Variants in CENPO observed in about 807,000 individuals in gnomAD.
CENPO encodes centromeric protein O.
A neutral mutation model predicts 36.1 loss-of-function variants in CENPO; 30 were observed. The ratio of observed to expected loss-of-function variants is 0.83; its 90% CI spans 0.62 to 1.13. CENPO has a LOEUF of 1.13. Ranked by LOEUF, CENPO falls within the 50% of genes most tolerant of loss-of-function variation. The pLI is 0.00. For missense variants in CENPO, 349 were observed against 357.8 expected (o/e 0.98, Z 0.20); for synonymous variants, 171 against 142.3 (o/e 1.20, Z -1.44).
Position 24,820,541 on chromosome 2 carries a change from G to T in CENPO, c.*1223G>T. 2 of 1,404,128 alleles carry T rather than the reference G, an allele frequency of 1.4e-6. No individual in the cohort carries two copies. The highest frequency in any genetic ancestry group is 1.9e-6 in the Non-Finnish European group (2 of 1,070,990). 87.0% of individuals were successfully genotyped at this position (1,404,128 alleles called of 1,614,324 possible). ...TCAGCCCAGATTTTGTGGATGGGTG[G>T]AAGTGTTTCTTCCTGTGCTGAGGCT... On this transcript the variant is annotated 3_prime_UTR_variant, in exon 8 of 8. Transcript: ENST00000380834.
Position 24,819,607 on chromosome 2 carries a change from G to T in CENPO, c.*289G>T, listed in dbSNP as rs906549819. 1 of 220,408 alleles carries T rather than the reference G, an allele frequency of 4.5e-6. No individual in the cohort carries two copies. 13.7% of individuals were successfully genotyped at this position (220,408 alleles called of 1,614,324 possible). A position where few individuals can be genotyped will look rare whatever the true frequency, so the allele number is the denominator to read the frequency against. ...CAGTCCCGGAAAGCCCAGCGGCAAAGGCAGCTTTGTCCCAGCTCTGCCACC... is the reference window on the plus strand; with the variant it reads ...CAGTCCCGGAAAGCCCAGCGGCAAATGCAGCTTTGTCCCAGCTCTGCCACC... On this transcript the variant is annotated 3_prime_UTR_variant, in exon 8 of 8. Transcript: ENST00000380834.
intron 6 of CENPO, among the ~76,000 whole-genome samples, 193 bp from the exon 7 acceptor site, chr2:24,817,477 G>GC (rs1667000437): frequency 2.1e-5 from 2 of 93,186 alleles, no homozygotes; most frequent in African/African-American, 1.1e-4. Flanking sequence ...AAAAAAAAAA[G>GC]CTGTATGGGT....
intron 3 of CENPO, among the ~76,000 whole-genome samples, chr2:24,803,059 G>T (rs1325543991): frequency 1.3e-5 from 2 of 152,188 alleles, no homozygotes; most frequent in East Asian, 3.8e-4. Flanking sequence ...AGTCTTGGGA[G>T]AATGTATGTG....
intron 2 of CENPO, among the ~76,000 whole-genome samples, chr2:24,796,525 T>C (rs1211691310): frequency 6.6e-6 from 1 of 150,806 alleles, no homozygotes. Context: ...CAATTAAAAC[T>C]ATAGTGGCCG....
chr2:24,819,392 T>G lies in CENPO; in HGVS notation c.*74T>G, dbSNP rs1169673150. 6.5e-6 allele frequency: 1 copy of G among 152,720 alleles called. No homozygotes were observed. Among genetic ancestry groups the G allele is most frequent in the Non-Finnish European group, 1.5e-5 (1 of 68,104 alleles). The allele number at this position is 152,720 out of a possible 1,614,324, so 9.5% of individuals were successfully genotyped here. A position where few individuals can be genotyped will look rare whatever the true frequency, so the allele number is the denominator to read the frequency against. ...CTCCCCTGCCAGGTGAAAGGAAATATTGCACTTTCTGTTCTCATGACTAAG... is the reference window on the plus strand; with the variant it reads ...CTCCCCTGCCAGGTGAAAGGAAATAGTGCACTTTCTGTTCTCATGACTAAG... On this transcript the variant is annotated 3_prime_UTR_variant, in exon 8 of 8. Transcript: ENST00000380834.
At chr2:24,816,929 T>C (rs547682121) in intron 6 of CENPO, 112 bp downstream of exon 6, 63 of 1,000,008 alleles carry the variant, frequency 6.3e-5, no homozygotes, top group Non-Finnish European at 7.4e-5. Context: ...TCTCTGTTTA[T>C]ATACTGTACA....
chr2:24,822,263 C>G lies in CENPO; in HGVS notation c.*2945C>G, dbSNP rs754473225. On this transcript the variant is annotated 3_prime_UTR_variant, in exon 8 of 8. Coordinates refer to ENST00000380834, the MANE Select transcript of CENPO (RefSeq NM_001322101.2). ...ATGAAAGCACAGAGCCTTAGGGGGC[C>G]TGGCCACAGAACACAACCATCTTAG... 2.4e-6 allele frequency: 1 copy of G among 411,588 alleles called. No individual in the cohort carries two copies. The highest frequency in any genetic ancestry group is 4.3e-6 in the Non-Finnish European group (1 of 231,148). 25.5% of individuals were successfully genotyped at this position (411,588 alleles called of 1,614,324 possible). A position where few individuals can be genotyped will look rare whatever the true frequency, so the allele number is the denominator to read the frequency against.
rs1166676492 is a variant in CENPO, at chr2:24,819,810, G to A, written c.*492G>A. The A allele has an allele frequency of 3.9e-6, 4 of 1,037,448 alleles. No individual in the cohort carries two copies. Among genetic ancestry groups the A allele is most frequent in the Non-Finnish European group, 4.2e-6 (3 of 718,282 alleles). The allele number at this position is 1,037,448 out of a possible 1,614,324, so 64.3% of individuals were successfully genotyped here. ...ACACATCCACGAACAAATGAAGGCT[G>A]AGGAGGTTTCTAAACCTAAAGTCCA... is the stretch of plus-strand genomic sequence containing the variant. On this transcript the variant is annotated 3_prime_UTR_variant, in exon 8 of 8. Transcript: ENST00000380834.
chr2:24,816,532 C>T, intron 5 of CENPO, 114 bp from the exon 6 acceptor site: 1 of 707,552 alleles, frequency 1.4e-6, no homozygotes, highest in Non-Finnish European at 2.3e-6. Flanking sequence ...TCATTTATTT[C>T]TCTGAAATGT....
chr2:24,812,795 G>C (rs1666755444), intron 3 of CENPO, among the ~76,000 whole-genome samples: 1 of 151,686 alleles, frequency 6.6e-6, no homozygotes, highest in Admixed American at 6.6e-5. Flanking sequence ...CTGTTTTAAT[G>C]GCCATGCCCC....
chr2:24,808,187 A>T (rs1409369741), intron 3 of CENPO, among the ~76,000 whole-genome samples: 3 of 152,180 alleles, frequency 2.0e-5, no homozygotes, highest in Middle Eastern at 3.4e-3. Context: ...ACTTAAGATC[A>T]TGCTGATCTT....
intron 5 of CENPO, 110 bp from the exon 6 acceptor site, chr2:24,816,536 G>A (rs956362349): frequency 4.1e-6 from 3 of 724,080 alleles, no homozygotes; most frequent in Non-Finnish European, 6.6e-6. Flanking sequence ...TTATTTCTCT[G>A]AAATGTAATC....
chr2:24,802,856 G>C (rs1337238717), intron 3 of CENPO, among the ~76,000 whole-genome samples: 29 of 152,178 alleles, frequency 1.9e-4, no homozygotes, highest in Non-Finnish European at 3.7e-4. Flanking sequence ...ATGAGTTAGG[G>C]AGGATTCCCT....
At position 24,820,382 on chromosome 2, in the gene CENPO, A is replaced by G. The variant is rs1171162628; in HGVS notation, c.*1064A>G. The G allele has an allele frequency of 3.0e-6, 4 of 1,313,322 alleles. No individual in the cohort carries two copies. The highest frequency in any genetic ancestry group is 3.9e-6 in the Non-Finnish European group (4 of 1,035,446). 81.4% of individuals were successfully genotyped at this position (1,313,322 alleles called of 1,614,324 possible). A position where few individuals can be genotyped will look rare whatever the true frequency, so the allele number is the denominator to read the frequency against. ...TGGTCACCTGGGTGGCAGCACTGTT[A>G]CCTGGAAACTGCCACTGCCTGCTCT... is the stretch of plus-strand genomic sequence containing the variant. On this transcript the variant is annotated 3_prime_UTR_variant, in exon 8 of 8. Coordinates refer to ENST00000380834, the MANE Select transcript of CENPO (RefSeq NM_001322101.2).
intron 3 of CENPO, among the ~76,000 whole-genome samples, chr2:24,806,180 T>A (rs1305590914): frequency 6.6e-6 from 1 of 152,206 alleles, no homozygotes; most frequent in South Asian, 2.1e-4. Context: ...AAAAGCGCAG[T>A]ATTGGGGTGG....
rs1191303988 is a variant in CENPO at position 24,811,501 on chromosome 2, G to T, written c.217-2875G>T. ...TTTTGAGACGGAGTCTCGCTCTGTC[G>T]CCCAGGCTGGAGTGCAGTGGTGCGG... On this transcript the variant is annotated intron_variant, in intron 3 of 7. Transcript: ENST00000380834. Among the ~76,000 whole-genome samples the T allele has an allele frequency of 7.0e-5, 10 of 143,038 alleles. No individual in the cohort carries two copies. In the Admixed American group the frequency reaches 7.1e-4, roughly 10 times the overall value. 93.8% of individuals were successfully genotyped at this position (143,038 alleles called of 152,430 possible).
chr2:24,810,467 C>T (rs1666622968), intron 3 of CENPO, among the ~76,000 whole-genome samples: 2 of 146,878 alleles, frequency 1.4e-5, no homozygotes, highest in Non-Finnish European at 1.5e-5. Flanking sequence ...AATCCTAGTA[C>T]AATAGTAACT....
In CENPO at chr2:24,793,983, G is replaced by T. The variant is rs376951641; in HGVS notation, c.46+18G>T. Reference sequence around the variant, plus strand: ...CAAAGGAGGTATTCAGAGGGTCGCCGCCTCCTTCCTGCTGCTGCCCAAAGA... The same window carrying T: ...CAAAGGAGGTATTCAGAGGGTCGCCTCCTCCTTCCTGCTGCTGCCCAAAGA... On this transcript the variant is annotated intron_variant, in intron 2 of 7. Transcript: ENST00000380834. 3.7e-5 allele frequency: 59 copies of T among 1,574,764 alleles called. No homozygotes were observed. Among genetic ancestry groups the T allele is most frequent in the Admixed American group, 2.5e-4 (15 of 59,954 alleles).
chr2:24,820,649 C>A lies in CENPO; in HGVS notation c.*1331C>A. ...TCAGGGCCAGGGTGGGAGGCAGGGG[C>A]ACGTGGGAAAGCACTGTTCCGGTTT... On this transcript the variant is annotated 3_prime_UTR_variant, in exon 8 of 8. Transcript: ENST00000380834. The A allele has an allele frequency of 6.3e-7, 1 of 1,588,402 alleles. No homozygotes were observed. The highest frequency in any genetic ancestry group is 8.6e-7 in the Non-Finnish European group (1 of 1,164,578).
Sources: allele counts gnomAD v4.1 joint callset (sites outside exome capture counted in the v4.1 genomes callset), GRCh38; gene constraint gnomAD v4.1.1; transcripts MANE v1.5; gene names NCBI Gene and HGNC (gene_info 2026-07-23, HGNC 2026-07-21).